The following NKAIN3 variants were observed in gnomAD, a reference collection of about 807,000 sequenced individuals.
The protein encoded by NKAIN3 is sodium/potassium-transporting ATPase subunit beta-1-interacting protein 3.
In NKAIN3, 25 loss-of-function variants were observed where a neutral mutation model predicts 30.2. The observed-to-expected ratio is 0.83, with a 90% CI of 0.60 to 1.16. The LOEUF is 1.16. Ranked by LOEUF, NKAIN3 falls within the 50% of genes most tolerant of loss-of-function variation. The pLI, the probability that NKAIN3 is intolerant of heterozygous loss-of-function variation, is 0.00. For synonymous variants in NKAIN3, 91 were observed against 89.6 expected (o/e 1.02, Z -0.09); for missense variants, 225 against 254.1 (o/e 0.89, Z 0.78).
At chr8:62,284,887 T>TGA (rs1813326699) in intron 1 of NKAIN3, among the ~76,000 whole-genome samples, 1 of 152,170 alleles carries the variant, frequency 6.6e-6, no homozygotes, top group South Asian at 2.1e-4. Flanking sequence ...CAAGGGCATC[T>TGA]GAGTTCAGTG....
At chr8:62,257,966 T>C (rs1372454574) in intron 1 of NKAIN3, among the ~76,000 whole-genome samples, 1 of 152,130 alleles carries the variant, frequency 6.6e-6, no homozygotes, top group Non-Finnish European at 1.5e-5. Flanking sequence ...TTTTGGGAAA[T>C]AAATTGTTTT....
chr8:62,481,898 G>A (rs878956188), intron 1 of NKAIN3, among the ~76,000 whole-genome samples: 8 of 152,126 alleles, frequency 5.3e-5, no homozygotes, highest in Admixed American at 2.0e-4. Context: ...TGTGTTTACC[G>A]AATGAATCTA....
At chr8:62,719,223 T>C (rs1815004283) in intron 3 of NKAIN3, among the ~76,000 whole-genome samples, 1 of 152,184 alleles carries the variant, frequency 6.6e-6, no homozygotes, top group South Asian at 2.1e-4. Context: ...GGCTCAGGAC[T>C]GCTGACCAAA....
At chr8:62,288,840 T>C (rs1263694170) in intron 1 of NKAIN3, among the ~76,000 whole-genome samples, 1 of 152,232 alleles carries the variant, frequency 6.6e-6, no homozygotes, top group African/African-American at 2.4e-5. Flanking sequence ...ATGGTTGAAC[T>C]AGTTTACAGT....
At chr8:62,788,148 T>C (rs369458247) in intron 4 of NKAIN3, among the ~76,000 whole-genome samples, 10 of 152,170 alleles carry the variant, frequency 6.6e-5, no homozygotes, top group African/African-American at 1.4e-4. Context: ...GTTTACAGTC[T>C]CACCAACAGT....
At chr8:62,802,808 A>G (rs1041833815) in intron 4 of NKAIN3, among the ~76,000 whole-genome samples, 1 of 152,196 alleles carries the variant, frequency 6.6e-6, no homozygotes, top group South Asian at 2.1e-4. Context: ...CATTTAAAAG[A>G]CACACACTGG....
intron 1 of NKAIN3, among the ~76,000 whole-genome samples, chr8:62,265,346 G>T (rs943895109): frequency 6.6e-6 from 1 of 152,168 alleles, no homozygotes; most frequent in Admixed American, 6.5e-5. Flanking sequence ...GATGTGTTGT[G>T]ATGCTTATGG....
intron 1 of NKAIN3, among the ~76,000 whole-genome samples, chr8:62,345,231 C>G (rs1815892982): frequency 6.7e-6 from 1 of 148,202 alleles, no homozygotes; most frequent in Admixed American, 6.8e-5. Flanking sequence ...ACACAGCCAC[C>G]AAAATATGTA....
chr8:62,650,646 C>T (rs1386516638), intron 3 of NKAIN3, among the ~76,000 whole-genome samples: 1 of 152,116 alleles, frequency 6.6e-6, no homozygotes, highest in Non-Finnish European at 1.5e-5. Context: ...TACCAATATA[C>T]AGCATGTAGA....
chr8:62,265,010 C>T (rs1167260876), intron 1 of NKAIN3, among the ~76,000 whole-genome samples: 1 of 152,162 alleles, frequency 6.6e-6, no homozygotes, highest in East Asian at 1.9e-4. Context: ...TGGCCACTTT[C>T]TTGACCTAAG....
chr8:62,603,030 T>A (rs1811029394), intron 3 of NKAIN3, among the ~76,000 whole-genome samples: 1 of 152,194 alleles, frequency 6.6e-6, no homozygotes, highest in Non-Finnish European at 1.5e-5. Flanking sequence ...AATGCTTTTC[T>A]GTGTTTTTGA....
exon 6 of NKAIN3, chr8:62,999,345 A>G (rs1165858636): frequency 6.6e-6 from 1 of 152,212 alleles, no homozygotes; most frequent in African/African-American, 2.4e-5. Flanking sequence ...CAAGAGTGGA[A>G]GCAAGAGAGA....
At chr8:62,320,690 G>T (rs1349047940) in intron 1 of NKAIN3, among the ~76,000 whole-genome samples, 1 of 152,210 alleles carries the variant, frequency 6.6e-6, no homozygotes, top group African/African-American at 2.4e-5. Context: ...TAGAGTTTCT[G>T]CCAAGAGATC....
intron 4 of NKAIN3, among the ~76,000 whole-genome samples, chr8:62,899,906 A>T (rs1396033543): frequency 2.6e-5 from 4 of 152,128 alleles, no homozygotes; most frequent in South Asian, 2.1e-4. Context: ...AATAATTTTT[A>T]AAATTACATA....
At chr8:62,941,481 C>T (rs4512372) in intron 5 of NKAIN3, among the ~76,000 whole-genome samples, 119,829 of 151,992 alleles carry the variant, frequency 0.79, 48,239 homozygotes, top group East Asian at 0.98. Context: ...ACCAATACCC[C>T]TGATGAACAT....
chr8:62,874,993 A>G (rs926570007), intron 4 of NKAIN3, among the ~76,000 whole-genome samples: 1 of 152,182 alleles, frequency 6.6e-6, no homozygotes, highest in Non-Finnish European at 1.5e-5. Context: ...AAAGAAATAA[A>G]GCATATTCAA....
chr8:62,567,207 G>A (rs1194731790), intron 1 of NKAIN3, among the ~76,000 whole-genome samples: 1 of 152,104 alleles, frequency 6.6e-6, no homozygotes, highest in Non-Finnish European at 1.5e-5. Context: ...GGTCCTAGAA[G>A]GAGTGGAACA....
chr8:62,615,777 T>G (rs1278743861), intron 3 of NKAIN3, among the ~76,000 whole-genome samples: 1 of 152,102 alleles, frequency 6.6e-6, no homozygotes, highest in Non-Finnish European at 1.5e-5. Context: ...AGTGACACAA[T>G]TGCTGTGTTG....
At chr8:62,560,087 T>G (rs1809520656) in intron 1 of NKAIN3, among the ~76,000 whole-genome samples, 1 of 152,136 alleles carries the variant, frequency 6.6e-6, no homozygotes, top group Non-Finnish European at 1.5e-5. Flanking sequence ...TTGAGAAATA[T>G]TTTGCTTTTC....
Sources: gnomAD v4.1 joint callset for allele counts (sites outside exome capture counted in the v4.1 genomes callset) on GRCh38, gnomAD v4.1.1 for gene constraint, MANE v1.5 for transcripts, NCBI Gene and HGNC (gene_info 2026-07-23, HGNC 2026-07-21) for gene names.